LRRTM4: variants seen among roughly 807,000 people sequenced by gnomAD.
LRRTM4 encodes leucine rich repeat transmembrane neuronal 4, also known as leucine-rich repeat transmembrane neuronal protein 4.
In LRRTM4, 25 loss-of-function variants were observed where a neutral mutation model predicts 47.6. The observed-to-expected ratio is 0.53, with a 90% CI of 0.38 to 0.73. The LOEUF (loss-of-function observed/expected upper bound fraction) is 0.73, where lower values mean the gene tolerates loss of function less well. Ranked by LOEUF, LRRTM4 falls within the 30% of genes least tolerant of loss-of-function variation. The pLI is 0.00. For missense variants in LRRTM4, 638 were observed against 713.4 expected (o/e 0.89, Z 1.20); for synonymous variants, 311 against 269.5 (o/e 1.15, Z -1.51).
At position 76,804,194 on chromosome 2, in the gene LRRTM4, C is replaced by T. The variant is rs540708079; in HGVS notation, c.1552-55278G>A. Among the ~76,000 whole-genome samples, 5 of 152,232 alleles carry T rather than the reference C, an allele frequency of 3.3e-5. No homozygotes were observed. The South Asian group carries it at 8.3e-4, about 25-fold the overall frequency. On this transcript the variant is annotated intron_variant, in intron 3 of 3. Coordinates refer to ENST00000409884, the MANE Select transcript of LRRTM4 (RefSeq NM_001134745.3). ...CTAAACCTGGAGATGGTCTTGGGCA[C>T]CCCTGACACAGAGTGATAATACCTT...
At chr2:76,942,531 T>C (rs1313401444) in intron 3 of LRRTM4, among the ~76,000 whole-genome samples, 1 of 150,806 alleles carries the variant, frequency 6.6e-6, no homozygotes, top group Non-Finnish European at 1.5e-5. Flanking sequence ...TCTCAGAGTT[T>C]CAGCCAGATA....
intron 3 of LRRTM4, among the ~76,000 whole-genome samples, chr2:76,798,200 G>A (rs996513452): frequency 6.6e-6 from 1 of 152,054 alleles, no homozygotes; most frequent in Non-Finnish European, 1.5e-5. Context: ...ATACTTGGAA[G>A]TAAAGCTCTC....
intron 3 of LRRTM4, among the ~76,000 whole-genome samples, chr2:76,879,481 T>C (rs115225159): frequency 0.012 from 1,853 of 152,318 alleles, 39 homozygotes; most frequent in African/African-American, 0.042. Context: ...CTGAATATTT[T>C]AAGGCCACTG....
chr2:76,953,332 A>C (rs2103892016), intron 3 of LRRTM4, among the ~76,000 whole-genome samples: 1 of 151,994 alleles, frequency 6.6e-6, no homozygotes, highest in Admixed American at 6.6e-5. Context: ...GAACTTTAGA[A>C]ATCAGTCAGG....
intron 3 of LRRTM4, among the ~76,000 whole-genome samples, chr2:77,231,627 G>A (rs189986492): frequency 3.1e-4 from 47 of 152,154 alleles, no homozygotes; most frequent in African/African-American, 9.6e-4. Context: ...CTATATAGAG[G>A]AGAAATTCAT....
intron 3 of LRRTM4, among the ~76,000 whole-genome samples, chr2:77,464,965 TA>T (rs1290000568): frequency 6.6e-6 from 1 of 152,166 alleles, no homozygotes; most frequent in Non-Finnish European, 1.5e-5. Context: ...ATATACTACA[TA>T]AAACCATTAA....
chr2:77,203,650 TAA>T, intron 3 of LRRTM4, among the ~76,000 whole-genome samples: 9 of 151,860 alleles, frequency 5.9e-5, no homozygotes, highest in African/African-American at 2.2e-4. Flanking sequence ...TAGTTTACCT[TAA>T]TGATAAAGCC....
intron 3 of LRRTM4, among the ~76,000 whole-genome samples, chr2:77,082,694 G>C (rs546880060): frequency 6.6e-6 from 1 of 151,988 alleles, no homozygotes; most frequent in South Asian, 2.1e-4. Flanking sequence ...ATAAAGTAGA[G>C]AAATAGAAAT....
chr2:77,175,226 C>G (rs767980854), intron 3 of LRRTM4, among the ~76,000 whole-genome samples: 1 of 151,880 alleles, frequency 6.6e-6, no homozygotes, highest in Non-Finnish European at 1.5e-5. Context: ...TGCACCACCA[C>G]TGTTGGGAAA....
intron 3 of LRRTM4, among the ~76,000 whole-genome samples, chr2:77,040,973 CATT>C (rs1245096025): frequency 4.0e-5 from 6 of 150,892 alleles, no homozygotes; most frequent in African/African-American, 1.2e-4. Flanking sequence ...TTGAAATACA[CATT>C]ATTATAATTA....
chr2:76,782,494 A>G (rs910571330), intron 3 of LRRTM4, among the ~76,000 whole-genome samples: 1 of 152,232 alleles, frequency 6.6e-6, no homozygotes, highest in Non-Finnish European at 1.5e-5. Context: ...GCTCACTGCA[A>G]TAGCAACAGG....
chr2:76,819,503 C>G (rs2103853152), intron 3 of LRRTM4, among the ~76,000 whole-genome samples: 1 of 151,768 alleles, frequency 6.6e-6, no homozygotes, highest in East Asian at 1.9e-4. Context: ...ACTAACAAAC[C>G]ATATCTTAAC....
At chr2:77,136,812 C>T (rs763509843) in intron 3 of LRRTM4, among the ~76,000 whole-genome samples, 5 of 151,754 alleles carry the variant, frequency 3.3e-5, no homozygotes, top group East Asian at 1.9e-4. Context: ...CAATGGCACA[C>T]GAACTATGTG....
chr2:77,176,301 C>G (rs562965894), intron 3 of LRRTM4, among the ~76,000 whole-genome samples: 112 of 152,282 alleles, frequency 7.4e-4, no homozygotes, highest in Non-Finnish European at 1.2e-3. Context: ...GATGCCATTT[C>G]TGACCTCCGT....
intron 3 of LRRTM4, among the ~76,000 whole-genome samples, chr2:77,231,342 G>A (rs1674960563): frequency 1.3e-5 from 2 of 152,002 alleles, no homozygotes; most frequent in Admixed American, 1.3e-4. Context: ...CACTGAAAAG[G>A]AACTTAGAAA....
At chr2:77,121,571 A>T (rs534191949) in intron 3 of LRRTM4, among the ~76,000 whole-genome samples, 1 of 151,988 alleles carries the variant, frequency 6.6e-6, no homozygotes, top group East Asian at 1.9e-4. Context: ...TATGCCATGA[A>T]ATATATAAAA....
intron 3 of LRRTM4, among the ~76,000 whole-genome samples, chr2:77,121,521 A>G (rs2103956180): frequency 6.6e-6 from 1 of 152,058 alleles, no homozygotes; most frequent in Middle Eastern, 3.4e-3. Flanking sequence ...GTTTGAATTT[A>G]CAATGTAGAT....
chr2:76,943,339 G>A (rs1573348202), intron 3 of LRRTM4, among the ~76,000 whole-genome samples: 1 of 152,312 alleles, frequency 6.6e-6, no homozygotes, highest in African/African-American at 2.4e-5. Context: ...CTGAGGCTGA[G>A]GCAGGAGAAT....
intron 3 of LRRTM4, among the ~76,000 whole-genome samples, chr2:77,189,840 A>G (rs2103875908): frequency 6.6e-6 from 1 of 152,206 alleles, no homozygotes; most frequent in South Asian, 2.1e-4. Context: ...ACTACTTATA[A>G]CTATATACAT....
Sources: gnomAD v4.1 joint callset for allele counts (sites outside exome capture counted in the v4.1 genomes callset) on GRCh38, gnomAD v4.1.1 for gene constraint, MANE v1.5 for transcripts, NCBI Gene and HGNC (gene_info 2026-07-23, HGNC 2026-07-21) for gene names.